CCSER1: variants seen among roughly 807,000 people sequenced by gnomAD.
The protein encoded by CCSER1 is serine-rich coiled-coil domain-containing protein 1.
A neutral mutation model predicts 82.0 loss-of-function variants in CCSER1; 41 were observed. That is an observed-to-expected ratio of 0.50 (90% CI 0.39 to 0.65). The LOEUF (loss-of-function observed/expected upper bound fraction) is 0.65, where lower values mean the gene tolerates loss of function less well. Among genes scored for constraint, CCSER1 ranks in the 30% least tolerant of loss-of-function variants. The pLI is 0.00. For missense variants in CCSER1, 1,119 were observed against 1,064.2 expected (o/e 1.05, Z -0.72); for synonymous variants, 414 against 383.9 (o/e 1.08, Z -0.92).
chr4:91,248,186 C>G (rs1739963318), intron 10 of CCSER1, among the ~76,000 whole-genome samples: 1 of 152,038 alleles, frequency 6.6e-6, no homozygotes, highest in Non-Finnish European at 1.5e-5. Context: ...GATAAATACC[C>G]ACATATGCAC....
chr4:90,431,769 A>G (rs1758304293), intron 4 of CCSER1, among the ~76,000 whole-genome samples: 1 of 152,144 alleles, frequency 6.6e-6, no homozygotes, highest in East Asian at 1.9e-4. Context: ...AATAAAGAGC[A>G]TATGCTCTTT....
chr4:90,708,430 G>A (rs1392021013), intron 6 of CCSER1, among the ~76,000 whole-genome samples: 1 of 152,122 alleles, frequency 6.6e-6, no homozygotes, highest in Non-Finnish European at 1.5e-5. Flanking sequence ...AGCAAGAAAA[G>A]TAATATTTCT....
Position 91,286,469 on chromosome 4 carries a change from A to C in CCSER1, c.2217+200475A>C, listed in dbSNP as rs536402160. On this transcript the variant is annotated intron_variant, in intron 10 of 10. Coordinates refer to ENST00000509176, the MANE Select transcript of CCSER1 (RefSeq NM_001145065.2). ...TACCAAAATGATGCATCATTTATTC[A>C]GATACAGTTCTCTTCTCAATTTCCG... Among the ~76,000 whole-genome samples, 3 of 151,950 alleles carry C rather than the reference A, an allele frequency of 2.0e-5. No individual in the cohort carries two copies. In the South Asian group the frequency reaches 6.2e-4, roughly 31 times the overall value.
At chr4:91,258,523 G>A (rs566418898) in intron 10 of CCSER1, among the ~76,000 whole-genome samples, 2 of 151,954 alleles carry the variant, frequency 1.3e-5, no homozygotes, top group Non-Finnish European at 2.9e-5. Flanking sequence ...CATTAGTAAA[G>A]CACTTTAAAC....
chr4:91,081,525 C>G (rs935482364), intron 9 of CCSER1, among the ~76,000 whole-genome samples: 1 of 152,118 alleles, frequency 6.6e-6, no homozygotes, highest in Admixed American at 6.5e-5. Context: ...CCCTCTCTCA[C>G]CACTCCTATT....
chr4:90,383,395 G>A (rs1012052580), intron 3 of CCSER1, among the ~76,000 whole-genome samples: 1 of 152,112 alleles, frequency 6.6e-6, no homozygotes, highest in Non-Finnish European at 1.5e-5. Flanking sequence ...AGGCCAATAG[G>A]TGAGTTTACA....
chr4:90,440,663 A>G (rs1213130447), intron 4 of CCSER1, among the ~76,000 whole-genome samples: 2 of 151,954 alleles, frequency 1.3e-5, no homozygotes, highest in African/African-American at 4.8e-5. Context: ...TTTTTGTGAC[A>G]GTTCTTTTTA....
intron 9 of CCSER1, among the ~76,000 whole-genome samples, chr4:91,002,406 G>T (rs754971577): frequency 1.3e-4 from 20 of 152,106 alleles, no homozygotes; most frequent in Admixed American, 1.3e-3. Context: ...AGGTTTGGTT[G>T]TTTAACGTAG....
intron 7 of CCSER1, among the ~76,000 whole-genome samples, chr4:90,753,516 A>G (rs1043203976): frequency 6.6e-6 from 1 of 152,070 alleles, no homozygotes; most frequent in Non-Finnish European, 1.5e-5. Context: ...TTCTGTGAGC[A>G]ATTCTGTGAG....
intron 8 of CCSER1, among the ~76,000 whole-genome samples, chr4:90,911,770 C>T (rs1386049749): frequency 1.3e-5 from 2 of 152,162 alleles, no homozygotes; most frequent in African/African-American, 4.8e-5. Flanking sequence ...AAAATCGGGT[C>T]ACTCCCAACC....
At chr4:90,966,701 T>C (rs865823698) in intron 9 of CCSER1, among the ~76,000 whole-genome samples, 4 of 152,280 alleles carry the variant, frequency 2.6e-5, no homozygotes, top group South Asian at 2.1e-4. Context: ...AACTTATACA[T>C]TTATTTTTAT....
intron 10 of CCSER1, among the ~76,000 whole-genome samples, chr4:91,574,229 C>CA (rs531517426): frequency 6.2e-4 from 87 of 141,224 alleles, no homozygotes; most frequent in Admixed American, 1.5e-3. Flanking sequence ...ATTAAAAAGT[C>CA]AAAAAACAGA....
chr4:90,265,670 A>C (rs1054419670), intron 1 of CCSER1, among the ~76,000 whole-genome samples: 2 of 152,068 alleles, frequency 1.3e-5, no homozygotes, highest in African/African-American at 4.8e-5. Flanking sequence ...CGAAGAGGAG[A>C]TATTTCATAC....
chr4:90,223,464 G>C (rs1742550734), intron 1 of CCSER1, among the ~76,000 whole-genome samples: 1 of 152,190 alleles, frequency 6.6e-6, no homozygotes, highest in African/African-American at 2.4e-5. Flanking sequence ...TGAACAAGAA[G>C]TATGTGACTG....
At chr4:90,864,042 A>T in intron 8 of CCSER1, among the ~76,000 whole-genome samples, 1 of 146,412 alleles carries the variant, frequency 6.8e-6, no homozygotes, top group Non-Finnish European at 1.5e-5. Context: ...GTGCTCTAAT[A>T]TCACTTTCTT....
Position 91,229,288 on chromosome 4 carries a change from CAAA to C in CCSER1, c.2217+143306_2217+143308del, listed in dbSNP as rs59877595. On this transcript the variant is annotated intron_variant, in intron 10 of 10. Coordinates refer to ENST00000509176, the MANE Select transcript of CCSER1 (RefSeq NM_001145065.2). Reference sequence around the variant, plus strand: ...AAAAACCCCAAAAAACAAAAACCTGCAAAAAAAAAAAAAAGGTACTCAAGTGAA... The same window carrying C: ...AAAAACCCCAAAAAACAAAAACCTGCAAAAAAAAAAAGGTACTCAAGTGAA... Among the ~76,000 whole-genome samples the C allele has an allele frequency of 6.0e-3, 829 of 138,174 alleles. 3 individuals carry two copies. The highest frequency in any genetic ancestry group is 0.019 in the African/African-American group (724 of 38,300). 90.6% of individuals were successfully genotyped at this position (138,174 alleles called of 152,430 possible).
intron 7 of CCSER1, among the ~76,000 whole-genome samples, chr4:90,746,940 T>G (rs6835028): frequency 0.59 from 89,753 of 151,794 alleles, 26,718 homozygotes; most frequent in African/African-American, 0.66. Flanking sequence ...TCTGAAGACT[T>G]GTTTTAACTA....
At chr4:90,177,663 T>G (rs760262904) in intron 1 of CCSER1, among the ~76,000 whole-genome samples, 1 of 152,110 alleles carries the variant, frequency 6.6e-6, no homozygotes, top group African/African-American at 2.4e-5. Context: ...GAGGCTAAAT[T>G]CATCATTGCA....
At chr4:91,557,086 G>T (rs912973075) in intron 10 of CCSER1, among the ~76,000 whole-genome samples, 3 of 148,184 alleles carry the variant, frequency 2.0e-5, no homozygotes, top group Non-Finnish European at 4.5e-5. Flanking sequence ...GGGAAAGGAG[G>T]TTACACTTTG....
Sources: allele counts gnomAD v4.1 joint callset (sites outside exome capture counted in the v4.1 genomes callset), GRCh38; gene constraint gnomAD v4.1.1; transcripts MANE v1.5; gene names NCBI Gene and HGNC (gene_info 2026-07-23, HGNC 2026-07-21).